The following MYLIP variants were observed in gnomAD, a reference collection of about 807,000 sequenced individuals.
The protein encoded by MYLIP is E3 ubiquitin-protein ligase MYLIP.
A neutral mutation model predicts 45.8 loss-of-function variants in MYLIP; 26 were observed. The observed-to-expected ratio is 0.57, with a 90% CI of 0.42 to 0.79. The LOEUF is 0.79. MYLIP is among the 30% of genes least tolerant of loss of function. MYLIP has a pLI of 0.00. For missense variants in MYLIP, 494 were observed against 555.6 expected (o/e 0.89, Z 1.11); for synonymous variants, 213 against 218.1 (o/e 0.98, Z 0.21).
At chr6:16,141,253 A>G (rs1581605961) in intron 2 of MYLIP, among the ~76,000 whole-genome samples, 1 of 152,176 alleles carries the variant, frequency 6.6e-6, no homozygotes, top group Admixed American at 6.5e-5. Flanking sequence ...GTCTTTATGT[A>G]TAGAGTTCCT....
At chr6:16,136,538 T>A (rs1759559794) in intron 2 of MYLIP, among the ~76,000 whole-genome samples, 2 of 152,348 alleles carry the variant, frequency 1.3e-5, no homozygotes, top group South Asian at 4.1e-4. Flanking sequence ...AACATTCTAG[T>A]ATGTACCTTT....
chr6:16,146,742 T>G lies in MYLIP; in HGVS notation c.1329T>G (p.Thr443=), dbSNP rs1382349828. The change falls in exon 7 of 7, where the codon ACT becomes ACG. Residue 443 remains threonine (T), a synonymous_variant. Coordinates refer to ENST00000356840, the MANE Select transcript of MYLIP (RefSeq NM_013262.4). ...CGCACACCAGTCTTCTCAATCTGAC[T>G]GTAATCTAATCTGTTGTGCTTTTGT... ...LPTHTSLLNL[T]VI 6.2e-7 allele frequency: 1 copy of G among 1,607,844 alleles called. No homozygotes were observed. Among genetic ancestry groups the G allele is most frequent in the East Asian group, 2.2e-5 (1 of 44,806 alleles).
At chr6:16,135,577 A>C (rs1361244606) in intron 2 of MYLIP, among the ~76,000 whole-genome samples, 1 of 152,032 alleles carries the variant, frequency 6.6e-6, no homozygotes, top group African/African-American at 2.4e-5. Flanking sequence ...TGAAGTAGAT[A>C]GATGTGGTGG....
At chr6:16,153,492 G>A in the MYLIP span, among the ~76,000 whole-genome samples, 5 of 152,222 alleles carry the variant, frequency 3.3e-5, no homozygotes, top group Admixed American at 2.6e-4. Flanking sequence ...AATTATCTGA[G>A]ATAGGCTTCT....
At chr6:16,130,259 A>G (rs1313522324) in intron 1 of MYLIP, among the ~76,000 whole-genome samples, 1 of 152,200 alleles carries the variant, frequency 6.6e-6, no homozygotes, top group Admixed American at 6.5e-5. Context: ...TGGAATACGA[A>G]GGAAAATACC....
chr6:16,155,470 G>A, the MYLIP span, among the ~76,000 whole-genome samples: 4 of 152,220 alleles, frequency 2.6e-5, no homozygotes, highest in Admixed American at 1.3e-4. Context: ...ACAAGGGAAT[G>A]AAAAATACTT....
rs1581610335 is a variant in MYLIP, at chr6:16,147,096, T to G, written c.*345T>G. On this transcript the variant is annotated 3_prime_UTR_variant, in exon 7 of 7. Coordinates refer to ENST00000356840, the MANE Select transcript of MYLIP (RefSeq NM_013262.4). ...TTGGGTACCTTTTAGGAAATGATGTTGTAAGTCTCCTTAATGTATCCTGAG... is the reference window on the plus strand; with the variant it reads ...TTGGGTACCTTTTAGGAAATGATGTGGTAAGTCTCCTTAATGTATCCTGAG... 1 of 188,192 alleles carries G rather than the reference T, an allele frequency of 5.3e-6. No individual in the cohort carries two copies. The highest frequency in any genetic ancestry group is 2.3e-3 in the Middle Eastern group (1 of 436). 11.7% of individuals were successfully genotyped at this position (188,192 alleles called of 1,614,324 possible).
At chr6:16,154,843 G>C in the MYLIP span, among the ~76,000 whole-genome samples, 3 of 152,082 alleles carry the variant, frequency 2.0e-5, no homozygotes, top group Non-Finnish European at 4.4e-5. Context: ...CCATTTTACA[G>C]CAATATATGT....
chr6:16,158,644 C>T, the MYLIP span, among the ~76,000 whole-genome samples: 6 of 152,188 alleles, frequency 3.9e-5, no homozygotes, highest in Non-Finnish European at 7.3e-5. Context: ...GCTCTCTAAA[C>T]TTTGACTTCC....
At chr6:16,141,901 A>G (rs1263897585) in intron 3 of MYLIP, 91 bp downstream of exon 3, 14 of 1,197,310 alleles carry the variant, frequency 1.2e-5, no homozygotes, top group Non-Finnish European at 1.6e-5. Flanking sequence ...CACACATAAT[A>G]TGCAGTTTTA....
intron 2 of MYLIP, among the ~76,000 whole-genome samples, chr6:16,140,997 A>G (rs4515393): frequency 0.022 from 3,362 of 152,324 alleles, 103 homozygotes; most frequent in African/African-American, 0.072. Context: ...AATAGTTTTC[A>G]GAGAGAAGAA....
chr6:16,130,653 A>C lies in MYLIP; in HGVS notation c.184A>C (p.Ile62Leu). 1 of 1,614,164 alleles carries C rather than the reference A, an allele frequency of 6.2e-7. No homozygotes were observed. Among genetic ancestry groups the C allele is most frequent in the South Asian group, 1.1e-5 (1 of 91,084 alleles). The change falls in exon 2 of 7, where the codon ATC becomes CTC. Residue 62 changes from isoleucine to leucine, a missense_variant. Physicochemically the swap from Ile to Leu is conservative, Grantham distance 5. Transcript: ENST00000356840. The stretch of plus-strand genomic sequence containing the variant: ...TTTATGGCTAAACCTGAGAAACCGG[A>C]TCTCCCAGCAGATGGATGGGCTAGC... ...ESLWLNLRNR[I>L]SQQMDGLAPY...
At chr6:16,159,582 C>A in the MYLIP span, among the ~76,000 whole-genome samples, 17 of 152,298 alleles carry the variant, frequency 1.1e-4, no homozygotes, top group Admixed American at 5.9e-4. Flanking sequence ...AACACAGTGA[C>A]AGTATCTGTT....
chr6:16,153,401 T>G, the MYLIP span, among the ~76,000 whole-genome samples: 1 of 152,220 alleles, frequency 6.6e-6, no homozygotes, highest in Non-Finnish European at 1.5e-5. Flanking sequence ...AAGCTATTTT[T>G]CAGTTCTAAA....
chr6:16,143,792 G>C lies in MYLIP; in HGVS notation c.756G>C (p.Leu252Phe). Residue 252 changes from leucine (L) to phenylalanine (F), a missense_variant, in exon 5 of 7, where the codon TTG becomes TTC. By Grantham distance (22) the Leu-to-Phe change is conservative. Transcript: ENST00000356840. ...AATCTGGGAACAGCATCGTGCTCTTGTTTAAAATGATCAGCACCAGGGCGG... is the reference window on the plus strand; with the variant it reads ...AATCTGGGAACAGCATCGTGCTCTTCTTTAAAATGATCAGCACCAGGGCGG... ...TKESGNSIVL[L>F]FKMISTRAAS... The C allele has an allele frequency of 6.2e-7, 1 of 1,613,856 alleles. No homozygotes were observed. The highest frequency in any genetic ancestry group is 8.5e-7 in the Non-Finnish European group (1 of 1,179,990).
At position 16,147,983 on chromosome 6, in the gene MYLIP, C is replaced by A. The variant is rs565878028; in HGVS notation, c.*1232C>A. The A allele has an allele frequency of 7.2e-5, 11 of 152,642 alleles. No individual in the cohort carries two copies. The highest frequency in any genetic ancestry group is 2.4e-4 in the African/African-American group (10 of 41,446). The allele number at this position is 152,642 out of a possible 1,614,324, so 9.5% of individuals were successfully genotyped here. A position where few individuals can be genotyped will look rare whatever the true frequency, so the allele number is the denominator to read the frequency against. The stretch of plus-strand genomic sequence containing the variant: ...GCTAAGGTAAAGCTAGAAACCTACA[C>A]TGTCACTTTACTGAGATTTCTGAGT... On this transcript the variant is annotated 3_prime_UTR_variant, in exon 7 of 7. Coordinates refer to ENST00000356840, the MANE Select transcript of MYLIP (RefSeq NM_013262.4).
At chr6:16,144,037 G>A (rs562047496) in intron 5 of MYLIP, among the ~76,000 whole-genome samples, 174 bp downstream of exon 5, 5 of 152,052 alleles carry the variant, frequency 3.3e-5, no homozygotes, top group South Asian at 4.2e-4. Context: ...ATGTAGTCTT[G>A]TTTTACCCAC....
chr6:16,131,833 G>A (rs999914205), intron 2 of MYLIP, among the ~76,000 whole-genome samples: 10 of 152,044 alleles, frequency 6.6e-5, no homozygotes, highest in Non-Finnish European at 1.3e-4. Context: ...CCTTGTAATC[G>A]AGCTTTAAAG....
chr6:16,139,546 G>A (rs1049201058), intron 2 of MYLIP, among the ~76,000 whole-genome samples: 3 of 152,166 alleles, frequency 2.0e-5, no homozygotes, highest in Non-Finnish European at 2.9e-5. Context: ...CACCCCAGTC[G>A]AATACAGAGA....
Sources: gnomAD v4.1 joint callset for allele counts (sites outside exome capture counted in the v4.1 genomes callset) on GRCh38, gnomAD v4.1.1 for gene constraint, MANE v1.5 for transcripts, NCBI Gene and HGNC (gene_info 2026-07-23, HGNC 2026-07-21) for gene names.